The following STIM2 variants were observed in gnomAD, a reference collection of about 807,000 sequenced individuals.
STIM2 encodes stromal interaction molecule 2.
A neutral mutation model predicts 85.8 loss-of-function variants in STIM2; 31 were observed. That is an observed-to-expected ratio of 0.36 (90% CI 0.27 to 0.49). STIM2 has a LOEUF of 0.49. Ranked by LOEUF, STIM2 falls within the 20% of genes least tolerant of loss-of-function variation. The pLI is 0.98. For synonymous variants in STIM2, 356 were observed against 331.1 expected, an observed-to-expected ratio of 1.08 and a Z score of -0.82; for missense variants, 841 against 927.6, an observed-to-expected ratio of 0.91 and a Z score of 1.21.
intron 5 of STIM2, among the ~76,000 whole-genome samples, chr4:27,000,872 A>G (rs1446188896): frequency 1.3e-5 from 2 of 151,310 alleles, no homozygotes; most frequent in Admixed American, 6.6e-5. Context: ...GTAGGACCTT[A>G]TTTATCTATT....
At position 26,974,711 on chromosome 4, in the gene STIM2, C is replaced by T. The variant is rs141963298; in HGVS notation, c.397+16985C>T. ...AACCTTGGTGAATCTGACAATTATG[C>T]GTCTTGGTGTTGCTCTTCTCAAGGA... is the stretch of plus-strand genomic sequence containing the variant. On this transcript the variant is annotated intron_variant, in intron 3 of 11. Coordinates refer to ENST00000467087, the MANE Select transcript of STIM2 (RefSeq NM_020860.4). Among the ~76,000 whole-genome samples, 482 of 152,164 alleles carry T rather than the reference C, an allele frequency of 3.2e-3. 1 individual carries two copies. Among genetic ancestry groups the T allele is most frequent in the African/African-American group, 0.011 (442 of 41,514 alleles).
At chr4:26,940,160 T>G (rs1442273909) in intron 2 of STIM2, among the ~76,000 whole-genome samples, 3 of 152,178 alleles carry the variant, frequency 2.0e-5, no homozygotes, top group Non-Finnish European at 4.4e-5. Flanking sequence ...TAGCAAATCA[T>G]GCGGTCTGAC....
At chr4:26,890,755 CG>C (rs1258432219) in intron 1 of STIM2, among the ~76,000 whole-genome samples, 1 of 143,430 alleles carries the variant, frequency 7.0e-6, no homozygotes, top group Non-Finnish European at 1.5e-5. Context: ...ACCCGGGAGG[CG>C]GAGCTTGCAG....
chr4:26,873,841 G>A, intron 1 of STIM2: 1 of 991,886 alleles, frequency 1.0e-6, no homozygotes, highest in Non-Finnish European at 1.6e-6. Context: ...GCCGTAGTGG[G>A]TGGGTACGTG....
intron 1 of STIM2, among the ~76,000 whole-genome samples, chr4:26,887,339 A>G (rs575202489): frequency 6.6e-6 from 1 of 152,198 alleles, no homozygotes; most frequent in Non-Finnish European, 1.5e-5. Flanking sequence ...CTAAGATCAC[A>G]CCGTGCTGTT....
At chr4:26,934,079 A>T (rs1333754845) in intron 2 of STIM2, among the ~76,000 whole-genome samples, 2 of 152,186 alleles carry the variant, frequency 1.3e-5, no homozygotes, top group East Asian at 3.9e-4. Flanking sequence ...CTGTAATCCC[A>T]GCTACTTGGG....
intron 3 of STIM2, among the ~76,000 whole-genome samples, chr4:26,989,746 A>T (rs1297496217): frequency 6.6e-6 from 1 of 152,206 alleles, no homozygotes; most frequent in African/African-American, 2.4e-5. Flanking sequence ...CTTAGAACTG[A>T]TAAATGAATT....
intron 1 of STIM2, chr4:26,873,536 A>T: frequency 2.5e-6 from 1 of 400,252 alleles, no homozygotes; most frequent in Non-Finnish European, 4.7e-6. Context: ...GCCCAGGGTA[A>T]CTCTGACTAC....
chr4:26,985,156 C>T (rs145854024), intron 3 of STIM2, among the ~76,000 whole-genome samples: 4 of 152,224 alleles, frequency 2.6e-5, no homozygotes, highest in South Asian at 2.1e-4. Context: ...TCTAAAGTCT[C>T]GTTCAGAAGT....
Position 27,023,155 on chromosome 4 carries a change from C to CAG in STIM2, c.*159_*160insAG. ...GTGGAACATCCAGAAGGGCAACTGT[C>CAG]TACTGTCTGCTTATTTAAGTGACTA... On this transcript the variant is annotated 3_prime_UTR_variant, in exon 12 of 12. Coordinates refer to ENST00000467087, the MANE Select transcript of STIM2 (RefSeq NM_020860.4). 1 of 674,126 alleles carries CAG rather than the reference C, an allele frequency of 1.5e-6. No homozygotes were observed. The highest frequency in any genetic ancestry group is 2.6e-6 in the Non-Finnish European group (1 of 388,490). 41.8% of individuals were successfully genotyped at this position (674,126 alleles called of 1,614,324 possible). A position where few individuals can be genotyped will look rare whatever the true frequency, so the allele number is the denominator to read the frequency against.
intron 2 of STIM2, among the ~76,000 whole-genome samples, chr4:26,940,133 A>G (rs1308667774): frequency 6.6e-6 from 1 of 152,202 alleles, no homozygotes; most frequent in Non-Finnish European, 1.5e-5. Flanking sequence ...AAGCCCCTTG[A>G]GTGCTGGTTT....
intron 1 of STIM2, among the ~76,000 whole-genome samples, chr4:26,879,256 T>C (rs917545237): frequency 2.0e-5 from 3 of 152,166 alleles, no homozygotes; most frequent in African/African-American, 7.2e-5. Flanking sequence ...GTATAGTTTG[T>C]ACCAAAAATC....
intron 2 of STIM2, among the ~76,000 whole-genome samples, chr4:26,935,524 AAATT>A (rs1725361298): frequency 6.6e-6 from 1 of 152,224 alleles, no homozygotes; most frequent in Admixed American, 6.5e-5. Flanking sequence ...AGGAGTAAAT[AAATT>A]GATGCTCCCT....
At chr4:26,882,046 G>A (rs1723033590) in intron 1 of STIM2, among the ~76,000 whole-genome samples, 1 of 152,110 alleles carries the variant, frequency 6.6e-6, no homozygotes, top group Non-Finnish European at 1.5e-5. Flanking sequence ...AGAATCTTTG[G>A]TATTTTCAGT....
chr4:26,861,494 G>GCCCTGCCTGCTGCTTCGTCGCGGTC, intron 1 of STIM2, 125 bp downstream of exon 1: 1 of 1,218,352 alleles, frequency 8.2e-7, no homozygotes, highest in Non-Finnish European at 1.0e-6. Context: ...GCGATGCGGA[G>GCCCTGCCTGCTGCTTCGTCGCGGTC]CCCTGCCTGC....
intron 1 of STIM2, among the ~76,000 whole-genome samples, chr4:26,917,837 A>T (rs1724642254): frequency 6.6e-6 from 1 of 152,190 alleles, no homozygotes. Context: ...TTATATACAG[A>T]TCTTTACACT....
At chr4:26,893,454 A>G (rs1234281987) in intron 1 of STIM2, among the ~76,000 whole-genome samples, 3 of 152,176 alleles carry the variant, frequency 2.0e-5, no homozygotes, top group African/African-American at 7.2e-5. Flanking sequence ...CTTTTGCTCA[A>G]AAAAGTGTGA....
rs1282978251 is a variant in STIM2 at position 26,885,844 on chromosome 4, T to C, written c.151+24475T>C. On this transcript the variant is annotated intron_variant, in intron 1 of 11. Transcript: ENST00000467087. ...GGTTATATATATATATATATATATA[T>C]ATATATATATATATATATATATATA... is the stretch of plus-strand genomic sequence containing the variant. Among the ~76,000 whole-genome samples the C allele has an allele frequency of 1.1e-3, 44 of 38,758 alleles. 1 individual carries two copies. The highest frequency in any genetic ancestry group is 4.3e-3 in the African/African-American group (34 of 7,956). 25.4% of individuals were successfully genotyped at this position (38,758 alleles called of 152,430 possible).
chr4:26,954,547 TTG>T (rs1385923577), intron 2 of STIM2, among the ~76,000 whole-genome samples: 1 of 148,574 alleles, frequency 6.7e-6, no homozygotes, highest in Non-Finnish European at 1.5e-5. Flanking sequence ...GAAGAAGTAT[TTG>T]TCTTTTGTGT....
Sources: gnomAD v4.1 joint callset for allele counts (sites outside exome capture counted in the v4.1 genomes callset) on GRCh38, gnomAD v4.1.1 for gene constraint, MANE v1.5 for transcripts, NCBI Gene and HGNC (gene_info 2026-07-23, HGNC 2026-07-21) for gene names.